Variants in EPSTI1 observed in about 807,000 individuals in gnomAD.
The protein encoded by EPSTI1 is epithelial-stromal interaction protein 1.
A neutral mutation model predicts 49.9 loss-of-function variants in EPSTI1; 66 were observed. The observed-to-expected ratio is 1.32, with a 90% CI of 1.08 to 1.62. The LOEUF is 1.62. Ranked by LOEUF, EPSTI1 falls within the 40% of genes most tolerant of loss-of-function variation. The pLI, the probability that EPSTI1 is intolerant of heterozygous loss-of-function variation, is 0.00. For missense variants in EPSTI1, 394 were observed against 365.5 expected, an observed-to-expected ratio of 1.08 and a Z score of -0.64; for synonymous variants, 137 against 130.7, an observed-to-expected ratio of 1.05 and a Z score of -0.33.
intron 8 of EPSTI1, among the ~76,000 whole-genome samples, chr13:42,915,615 T>G (rs182716886): frequency 1.3e-5 from 2 of 152,270 alleles, no homozygotes; most frequent in Non-Finnish European, 2.9e-5. Flanking sequence ...TAAGGTAGAA[T>G]AGATGGATAA....
chr13:42,942,782 G>A (rs60462330), intron 6 of EPSTI1, among the ~76,000 whole-genome samples: 7,455 of 143,194 alleles, frequency 0.052, 606 homozygotes, highest in African/African-American at 0.18. Context: ...TCCGCTTCCC[G>A]GGTTCACGCC....
intron 6 of EPSTI1, among the ~76,000 whole-genome samples, chr13:42,935,085 C>T (rs2038514385): frequency 1.3e-5 from 2 of 152,300 alleles, no homozygotes; most frequent in Middle Eastern, 3.4e-3. Flanking sequence ...AGGGCCATAC[C>T]CTGGACATTG....
intron 7 of EPSTI1, among the ~76,000 whole-genome samples, chr13:42,924,263 C>T (rs1042282545): frequency 6.6e-5 from 10 of 152,260 alleles, no homozygotes; most frequent in African/African-American, 2.4e-4. Context: ...GCAGCTATTG[C>T]GTGGAGTTTA....
chr13:42,932,866 A>G (rs1280162360), intron 6 of EPSTI1, among the ~76,000 whole-genome samples: 1 of 152,236 alleles, frequency 6.6e-6, no homozygotes, highest in Non-Finnish European at 1.5e-5. Flanking sequence ...TGAGAAGGAC[A>G]TGGCATCACT....
chr13:42,922,627 G>T lies in EPSTI1; in HGVS notation c.657+3709C>A, dbSNP rs75039707. Among the ~76,000 whole-genome samples, 1,124 of 152,292 alleles carry T rather than the reference G, an allele frequency of 7.4e-3. 14 individuals are homozygous for T. Among genetic ancestry groups the T allele is most frequent in the African/African-American group, 0.026 (1,069 of 41,574 alleles). ...TTTGTTCTATTAGGTCACTACATTC[G>T]TGGTAATTTGTTACAGCAGCAAAGG... is the stretch of plus-strand genomic sequence containing the variant. On this transcript the variant is annotated intron_variant, in intron 7 of 10. Transcript: ENST00000313624. This position sits in a 1 kb window ranked among gnomAD's most constrained non-coding sequence, Gnocchi z 4.8.
chr13:42,988,449 T>G (rs2040122746), intron 1 of EPSTI1, among the ~76,000 whole-genome samples: 2 of 152,168 alleles, frequency 1.3e-5, no homozygotes, highest in Non-Finnish European at 2.9e-5. Flanking sequence ...GAACTCAATC[T>G]TGGCCAGGCG....
At chr13:42,963,410 T>G in intron 4 of EPSTI1, 72 bp from the exon 5 acceptor site, 1 of 1,225,772 alleles carries the variant, frequency 8.2e-7, no homozygotes. Context: ...AACACAAAAT[T>G]ATGATGAAAG....
rs778490764 is a variant in EPSTI1 at position 42,895,022 on chromosome 13, C to A, written c.902G>T (p.Ser301Ile). 7 of 1,612,122 alleles carry A rather than the reference C, an allele frequency of 4.3e-6. No homozygotes were observed. The highest frequency in any genetic ancestry group is 5.9e-6 in the Non-Finnish European group (7 of 1,179,140). ...EQSGGCWNMN[S>I]GNSWGI The stretch of plus-strand genomic sequence containing the variant: ...GAAAAAACTCACCCAGCTGTTACCG[C>A]TATTCATATTCCAACAGCCTCCAGA... Residue 301 changes from serine to isoleucine, a missense_variant, in exon 10 of 11, where the codon AGC becomes ATC. Coordinates refer to ENST00000313624, the MANE Select transcript of EPSTI1 (RefSeq NM_033255.5).
chr13:42,887,872 A>G lies in EPSTI1; in HGVS notation c.*622T>C, dbSNP rs1289447632. On this transcript the variant is annotated 3_prime_UTR_variant, in exon 11 of 11. Transcript: ENST00000313624. ...AGTCAAGACCAAAACAAGAGCCAAC[A>G]GTAATGACAGTACTATATTTGATCT... The G allele has an allele frequency of 6.4e-6, 1 of 156,692 alleles. No homozygotes were observed. Among genetic ancestry groups the G allele is most frequent in the Admixed American group, 6.4e-5 (1 of 15,688 alleles). The allele number at this position is 156,692 out of a possible 1,614,324, so 9.7% of individuals were successfully genotyped here.
chr13:42,957,430 C>G (rs973829260), intron 5 of EPSTI1, among the ~76,000 whole-genome samples: 1 of 152,146 alleles, frequency 6.6e-6, no homozygotes, highest in African/African-American at 2.4e-5. Context: ...GGCCTAGGCC[C>G]AGCAGTATCA....
In EPSTI1 at chr13:42,895,065, G is replaced by A; in HGVS notation, c.859C>T (p.Pro287Ser). ...CCTCCAGATTGCTCGAGGCCACCTGGTTGACTTTTGCCTTGGAGTCGGTCC... is the reference window on the plus strand; with the variant it reads ...CCTCCAGATTGCTCGAGGCCACCTGATTGACTTTTGCCTTGGAGTCGGTCC... Reference protein sequence around the residue: ...FLDRLQGKSQPGGLEQSGGCW... With the variant: ...FLDRLQGKSQSGGLEQSGGCW... Residue 287 changes from proline to serine, a missense_variant, in exon 10 of 11, where the codon CCA becomes TCA. Pro to Ser is a moderately conservative substitution (Grantham distance 74). Transcript: ENST00000313624. 2 of 1,613,570 alleles carry A rather than the reference G, an allele frequency of 1.2e-6. No individual in the cohort carries two copies. Among genetic ancestry groups the A allele is most frequent in the Non-Finnish European group, 1.7e-6 (2 of 1,179,752 alleles).
At chr13:42,958,482 AG>A (rs986714087) in intron 5 of EPSTI1, among the ~76,000 whole-genome samples, 25 of 152,190 alleles carry the variant, frequency 1.6e-4, no homozygotes, top group African/African-American at 5.8e-4. Context: ...GAGAGGAGAA[AG>A]GGAGCTTAAC....
At chr13:42,911,264 T>TGTGTGTGTGCGCGC (rs549150890) in intron 8 of EPSTI1, among the ~76,000 whole-genome samples, 3 of 148,448 alleles carry the variant, frequency 2.0e-5, no homozygotes, top group South Asian at 2.1e-4. Flanking sequence ...TGTGTGTGTG[T>TGTGTGTGTGCGCGC]GCGCGCGCAC....
chr13:42,907,867 A>G (rs1441947795), intron 8 of EPSTI1, among the ~76,000 whole-genome samples: 1 of 152,210 alleles, frequency 6.6e-6, no homozygotes, highest in Non-Finnish European at 1.5e-5. Context: ...ATTGACTTTT[A>G]TGTATAATAA....
intron 2 of EPSTI1, chr13:42,969,460 G>T: frequency 2.6e-6 from 1 of 381,270 alleles, no homozygotes; most frequent in Non-Finnish European, 4.7e-6. Context: ...TACCATTCTG[G>T]CATTTTTAAA....
chr13:42,967,686 T>C (rs1260797323), intron 3 of EPSTI1, among the ~76,000 whole-genome samples: 2 of 152,090 alleles, frequency 1.3e-5, no homozygotes, highest in African/African-American at 4.8e-5. Flanking sequence ...GAAATCCAGG[T>C]GGGAGATGGG....
Position 42,953,697 on chromosome 13 carries a change from G to A in EPSTI1, c.563+251C>T, listed in dbSNP as rs539042646. 2.0e-5 allele frequency among the ~76,000 whole-genome samples: 3 copies of A among 152,324 alleles called. No homozygotes were observed. The South Asian group carries it at 6.2e-4, about 32-fold the overall frequency. On this transcript the variant is annotated intron_variant, in intron 6 of 10. Coordinates refer to ENST00000313624, the MANE Select transcript of EPSTI1 (RefSeq NM_033255.5). ...AGCAGAAGTACCTTGGATCACCAAA[G>A]GATCAAGTCTTCCAAGTTATTTATA...
At chr13:42,924,744 C>T (rs1433927451) in intron 7 of EPSTI1, among the ~76,000 whole-genome samples, 1 of 152,148 alleles carries the variant, frequency 6.6e-6, no homozygotes, top group East Asian at 1.9e-4. Context: ...TTGTAGGGCC[C>T]ACACTGATGA....
intron 3 of EPSTI1, among the ~76,000 whole-genome samples, chr13:42,965,466 C>T (rs1204252180): frequency 6.6e-6 from 1 of 152,108 alleles, no homozygotes; most frequent in African/African-American, 2.4e-5. Flanking sequence ...AGGTAATGGC[C>T]CCTCAAAGCA....
Sources: allele counts gnomAD v4.1 joint callset (sites outside exome capture counted in the v4.1 genomes callset), GRCh38; gene constraint gnomAD v4.1.1; non-coding constraint Gnocchi (gnomAD v3.1); transcripts MANE v1.5; gene names NCBI Gene and HGNC (gene_info 2026-07-23, HGNC 2026-07-21).